The following TRAPPC9 variants were observed in gnomAD, a reference collection of about 807,000 sequenced individuals.
TRAPPC9 encodes the protein trafficking protein particle complex subunit 9.
Under a neutral mutation model 124.0 loss-of-function variants are expected in TRAPPC9, and 83 were observed. The observed-to-expected ratio is 0.67, with a 90% CI of 0.56 to 0.80. TRAPPC9 has a LOEUF of 0.80. Among genes scored for constraint, TRAPPC9 ranks in the 30% least tolerant of loss-of-function variants. The pLI, the probability that TRAPPC9 is intolerant of heterozygous loss-of-function variation, is 0.00. For missense variants in TRAPPC9, 1,302 were observed against 1,508.3 expected (o/e 0.86, Z 2.27); for synonymous variants, 638 against 617.5 (o/e 1.03, Z -0.49).
chr8:139,960,033 T>C (rs1377822826), intron 19 of TRAPPC9, among the ~76,000 whole-genome samples: 1 of 152,196 alleles, frequency 6.6e-6, no homozygotes, highest in Non-Finnish European at 1.5e-5. Flanking sequence ...AGACACTTTA[T>C]AGAGAACAGC....
chr8:139,997,522 G>C (rs769554654), intron 18 of TRAPPC9, among the ~76,000 whole-genome samples: 1 of 110,184 alleles, frequency 9.1e-6, no homozygotes, highest in Non-Finnish European at 2.2e-5. Context: ...TCTACACAGG[G>C]GAGACAATGC....
intron 2 of TRAPPC9, among the ~76,000 whole-genome samples, chr8:140,441,001 C>T (rs2070997079): frequency 1.1e-5 from 1 of 90,506 alleles, no homozygotes; most frequent in Admixed American, 1.6e-4. Context: ...TTTTTGGAGA[C>T]AAGGTCTTAT....
intron 8 of TRAPPC9, among the ~76,000 whole-genome samples, chr8:140,364,037 G>C (rs2068030497): frequency 6.6e-6 from 1 of 152,156 alleles, no homozygotes; most frequent in South Asian, 2.1e-4. Flanking sequence ...GACCACTGAG[G>C]ACCTCTCCGA....
chr8:140,458,428 G>A, upstream of TRAPPC9: 1 of 1,586,592 alleles, frequency 6.3e-7, no homozygotes. Flanking sequence ...CCCCCCACGT[G>A]GGTGGGTGAC....
At chr8:140,421,519 T>G (rs1028337664) in intron 5 of TRAPPC9, among the ~76,000 whole-genome samples, 2 of 152,230 alleles carry the variant, frequency 1.3e-5, no homozygotes, top group African/African-American at 4.8e-5. Flanking sequence ...ATCTGAGAGA[T>G]ATTTCTATAT....
At chr8:140,239,143 G>A (rs2063798875) in intron 16 of TRAPPC9, among the ~76,000 whole-genome samples, 1 of 152,178 alleles carries the variant, frequency 6.6e-6, no homozygotes, top group Non-Finnish European at 1.5e-5. Flanking sequence ...GAAGAACAAC[G>A]AAGACGGCAG....
At chr8:140,151,449 G>A (rs551865526) in intron 17 of TRAPPC9, among the ~76,000 whole-genome samples, 34 of 152,314 alleles carry the variant, frequency 2.2e-4, no homozygotes, top group African/African-American at 7.9e-4. Context: ...AGAAGGCTCA[G>A]ATCAAGACAT....
At chr8:139,746,818 G>A (rs1415743285) in intron 21 of TRAPPC9, among the ~76,000 whole-genome samples, 1 of 152,210 alleles carries the variant, frequency 6.6e-6, no homozygotes, top group African/African-American at 2.4e-5. Flanking sequence ...CGGCCACATT[G>A]GGCATCCATG....
rs2067972180 is a variant in TRAPPC9 at position 140,362,113 on chromosome 8, C to T, written c.1352-1920G>A. ...GTTATCTGGCAGGTACCATAAGGCA[C>T]CTGTAATCTCATGTCTTTGTTTCTC... On this transcript the variant is annotated intron_variant, in intron 8 of 22. Coordinates refer to ENST00000438773, the MANE Select transcript of TRAPPC9 (RefSeq NM_001160372.4). Among the ~76,000 whole-genome samples the T allele has an allele frequency of 5.3e-5, 8 of 152,268 alleles. 1 individual carries two copies. Among genetic ancestry groups the T allele is most frequent in the South Asian group, 4.1e-4 (2 of 4,824 alleles).
chr8:140,189,579 C>A (rs1430011189), intron 17 of TRAPPC9, among the ~76,000 whole-genome samples: 1 of 152,064 alleles, frequency 6.6e-6, no homozygotes, highest in East Asian at 1.9e-4. Context: ...TAAAGAGATG[C>A]GTGGAGAAAA....
rs116747115 is a variant in TRAPPC9 at position 140,342,018 on chromosome 8, C to G, written c.1495+18032G>C. ...ATCACTTTATCATAGGGGTGGAGGACAGGAAAGAAAGGGCGGATCTGGAAG... is the reference window on the plus strand; with the variant it reads ...ATCACTTTATCATAGGGGTGGAGGAGAGGAAAGAAAGGGCGGATCTGGAAG... On this transcript the variant is annotated intron_variant, in intron 9 of 22. Coordinates refer to ENST00000438773, the MANE Select transcript of TRAPPC9 (RefSeq NM_001160372.4). Among the ~76,000 whole-genome samples the G allele has an allele frequency of 2.3e-3, 352 of 152,332 alleles. 1 individual carries two copies. Among genetic ancestry groups the G allele is most frequent in the African/African-American group, 8.0e-3 (334 of 41,568 alleles).
chr8:140,073,517 T>C (rs10875448), intron 17 of TRAPPC9, among the ~76,000 whole-genome samples: 79,406 of 152,026 alleles, frequency 0.52, 20,855 homozygotes, highest in Middle Eastern at 0.58. Context: ...ACATCAGAAC[T>C]GAGGACACCT....
intron 21 of TRAPPC9, among the ~76,000 whole-genome samples, chr8:139,840,425 T>C (rs1826649617): frequency 6.6e-6 from 1 of 152,252 alleles, no homozygotes; most frequent in African/African-American, 2.4e-5. Flanking sequence ...GAGACTCAAA[T>C]GCTTAAATCT....
At chr8:140,066,740 T>G (rs1459686318) in intron 17 of TRAPPC9, among the ~76,000 whole-genome samples, 2 of 152,246 alleles carry the variant, frequency 1.3e-5, no homozygotes, top group African/African-American at 4.8e-5. Context: ...AAAACTATTG[T>G]GTTTAAAAAG....
intron 16 of TRAPPC9, among the ~76,000 whole-genome samples, chr8:140,237,397 A>G (rs1160585172): frequency 2.0e-5 from 3 of 151,292 alleles, no homozygotes; most frequent in African/African-American, 7.3e-5. Flanking sequence ...AATGAGTAAG[A>G]GTTTTTCAAG....
intron 15 of TRAPPC9, among the ~76,000 whole-genome samples, chr8:140,263,661 T>C (rs2064510957): frequency 6.6e-6 from 1 of 152,038 alleles, no homozygotes; most frequent in Non-Finnish European, 1.5e-5. Flanking sequence ...AGCCATGGAG[T>C]GCCAGCTCCA....
At chr8:140,118,148 A>G (rs1484107689) in intron 17 of TRAPPC9, among the ~76,000 whole-genome samples, 2 of 152,236 alleles carry the variant, frequency 1.3e-5, no homozygotes, top group Non-Finnish European at 2.9e-5. Flanking sequence ...GCAAAGCTCC[A>G]TGAGATGCAC....
intron 21 of TRAPPC9, among the ~76,000 whole-genome samples, chr8:139,789,420 C>T (rs2130588826): frequency 6.6e-6 from 1 of 152,324 alleles, no homozygotes; most frequent in East Asian, 1.9e-4. Flanking sequence ...GTGGTTATCA[C>T]AGCAGCATCG....
intron 21 of TRAPPC9, among the ~76,000 whole-genome samples, chr8:139,882,529 A>C (rs1228124524): frequency 1.3e-5 from 2 of 152,184 alleles, no homozygotes; most frequent in Non-Finnish European, 2.9e-5. Context: ...AACAAGGTCA[A>C]CAACGTCAAT....
Sources: gnomAD v4.1 joint callset for allele counts (sites outside exome capture counted in the v4.1 genomes callset) on GRCh38, gnomAD v4.1.1 for gene constraint, MANE v1.5 for transcripts, NCBI Gene and HGNC (gene_info 2026-07-23, HGNC 2026-07-21) for gene names.